Variants in PPARGC1A observed in about 807,000 individuals in gnomAD.
PPARGC1A encodes peroxisome proliferator-activated receptor gamma coactivator 1-alpha.
A neutral mutation model predicts 88.7 loss-of-function variants in PPARGC1A; 25 were observed. The observed-to-expected ratio is 0.28, with a 90% CI of 0.21 to 0.39. The LOEUF is 0.39. Among genes scored for constraint, PPARGC1A ranks in the 10% least tolerant of loss-of-function variants. PPARGC1A has a pLI of 1.00. For synonymous variants in PPARGC1A, 363 were observed against 355.6 expected, an observed-to-expected ratio of 1.02 and a Z score of -0.24; for missense variants, 880 against 968.7, an observed-to-expected ratio of 0.91 and a Z score of 1.22.
chr4:23,952,006 T>C, the PPARGC1A span, among the ~76,000 whole-genome samples: 1 of 151,840 alleles, frequency 6.6e-6, no homozygotes, highest in African/African-American at 2.4e-5. Flanking sequence ...TCATATTTAC[T>C]GCGTGGGACA....
the PPARGC1A span, among the ~76,000 whole-genome samples, chr4:24,002,574 G>A: frequency 2.7e-5 from 4 of 149,470 alleles, no homozygotes; most frequent in Admixed American, 6.7e-5. Flanking sequence ...TAATCCCAGC[G>A]TTAATTATGG....
the PPARGC1A span, among the ~76,000 whole-genome samples, chr4:24,261,698 G>A: frequency 6.6e-6 from 1 of 152,094 alleles, no homozygotes; most frequent in Non-Finnish European, 1.5e-5. Flanking sequence ...ATATATTTCT[G>A]GTTATTTTAT....
chr4:24,208,682 A>AAAAAAAATATAT, the PPARGC1A span, among the ~76,000 whole-genome samples: 2 of 135,000 alleles, frequency 1.5e-5, no homozygotes, highest in African/African-American at 5.3e-5. Context: ...TCAGAAAAAA[A>AAAAAAAATATAT]ATATATATAT....
chr4:23,910,362 TATATTATATTATATTATA>T, the PPARGC1A span, among the ~76,000 whole-genome samples: 49 of 102,634 alleles, frequency 4.8e-4, no homozygotes, highest in East Asian at 2.2e-3. Flanking sequence ...ATATATTATA[TATATTATATTATATTATA>T]TATATTATAT....
chr4:23,978,524 G>C, the PPARGC1A span, among the ~76,000 whole-genome samples: 2,027 of 152,166 alleles, frequency 0.013, 39 homozygotes, highest in African/African-American at 0.046. Flanking sequence ...ATCATCTATG[G>C]AATGACAAAA....
the PPARGC1A span, among the ~76,000 whole-genome samples, chr4:23,986,361 G>T: frequency 1.3e-5 from 2 of 151,998 alleles, no homozygotes; most frequent in Non-Finnish European, 2.9e-5. Context: ...TTAACATTTT[G>T]ACTCAGGTTC....
chr4:24,466,380 A>G, the PPARGC1A span, among the ~76,000 whole-genome samples: 1 of 152,232 alleles, frequency 6.6e-6, no homozygotes, highest in Non-Finnish European at 1.5e-5. Context: ...GTGTTGTAGC[A>G]GAAAGTGAGT....
chr4:23,999,927 A>G, the PPARGC1A span, among the ~76,000 whole-genome samples: 1 of 152,080 alleles, frequency 6.6e-6, no homozygotes, highest in Middle Eastern at 3.2e-3. Context: ...AGTGGAATCT[A>G]TATTAAGTGG....
At chr4:23,845,905 G>A (rs1171738812) in intron 2 of PPARGC1A, among the ~76,000 whole-genome samples, 1 of 152,132 alleles carries the variant, frequency 6.6e-6, no homozygotes, top group Admixed American at 6.6e-5. Flanking sequence ...CCCTTGTGAA[G>A]AATCTTTAAA....
At chr4:24,100,143 T>C in the PPARGC1A span, among the ~76,000 whole-genome samples, 1 of 152,130 alleles carries the variant, frequency 6.6e-6, no homozygotes, top group South Asian at 2.1e-4. Flanking sequence ...TAAAGCAGAA[T>C]CTCAGGCCCC....
the PPARGC1A span, among the ~76,000 whole-genome samples, chr4:24,150,650 A>T: frequency 6.6e-6 from 1 of 152,250 alleles, no homozygotes; most frequent in East Asian, 1.9e-4. Context: ...CAGGAGACAC[A>T]CAATAGTAAT....
At chr4:24,454,310 A>T in the PPARGC1A span, among the ~76,000 whole-genome samples, 1 of 151,440 alleles carries the variant, frequency 6.6e-6, no homozygotes, top group Non-Finnish European at 1.5e-5. Context: ...AACATAGTAT[A>T]TGGTTTCAGT....
chr4:24,037,549 C>T, the PPARGC1A span, among the ~76,000 whole-genome samples: 4 of 152,008 alleles, frequency 2.6e-5, no homozygotes, highest in Admixed American at 6.6e-5. Context: ...TAAATAGAGC[C>T]GTCTATTATA....
chr4:24,198,727 G>A, the PPARGC1A span, among the ~76,000 whole-genome samples: 1 of 152,184 alleles, frequency 6.6e-6, no homozygotes, highest in Non-Finnish European at 1.5e-5. Flanking sequence ...TGGAATAAGG[G>A]AATGGGGAAG....
chr4:24,459,609 G>A, the PPARGC1A span, among the ~76,000 whole-genome samples: 3 of 152,150 alleles, frequency 2.0e-5, no homozygotes, highest in African/African-American at 7.2e-5. Context: ...GGGAAGCATG[G>A]TGAAACCCTG....
At chr4:24,463,355 T>A in the PPARGC1A span, among the ~76,000 whole-genome samples, 1 of 152,250 alleles carries the variant, frequency 6.6e-6, no homozygotes, top group Admixed American at 6.5e-5. Context: ...GATTTGTTAA[T>A]GTAAGCATAT....
At chr4:24,401,384 C>A in the PPARGC1A span, among the ~76,000 whole-genome samples, 1 of 152,072 alleles carries the variant, frequency 6.6e-6, no homozygotes, top group African/African-American at 2.4e-5. Context: ...TATGATGGTG[C>A]CACTCACAAA....
At chr4:24,064,380 T>C in the PPARGC1A span, among the ~76,000 whole-genome samples, 1 of 151,990 alleles carries the variant, frequency 6.6e-6, no homozygotes, top group African/African-American at 2.4e-5. Context: ...CTGGATACAG[T>C]GTAGGGCTCA....
chr4:24,145,078 A>AGAGTGT, the PPARGC1A span, among the ~76,000 whole-genome samples: 32 of 144,318 alleles, frequency 2.2e-4, no homozygotes, highest in Non-Finnish European at 4.9e-4. Flanking sequence ...GTGTTGAATG[A>AGAGTGT]GTGTGTGTGT....
Sources: gnomAD v4.1 joint callset for allele counts (sites outside exome capture counted in the v4.1 genomes callset) on GRCh38, gnomAD v4.1.1 for gene constraint, MANE v1.5 for transcripts, NCBI Gene and HGNC (gene_info 2026-07-23, HGNC 2026-07-21) for gene names.